The following LDHA variants were observed in gnomAD, a reference collection of about 807,000 sequenced individuals.
LDHA encodes the protein L-lactate dehydrogenase A chain.
A neutral mutation model predicts 36.3 loss-of-function variants in LDHA; 10 were observed. The ratio of observed to expected loss-of-function variants is 0.28; its 90% CI spans 0.17 to 0.47. The LOEUF (loss-of-function observed/expected upper bound fraction) is 0.47. Among genes scored for constraint, LDHA ranks in the 20% least tolerant of loss-of-function variants. The pLI is 0.99. For synonymous variants in LDHA, 110 were observed against 136.7 expected, an observed-to-expected ratio of 0.80 and a Z score of 1.36; for missense variants, 267 against 405.8, an observed-to-expected ratio of 0.66 and a Z score of 2.94.
Position 18,407,395 on chromosome 11 carries a change from T to G in LDHA, c.*114T>G, listed in dbSNP as rs201359330. On this transcript the variant is annotated 3_prime_UTR_variant, in exon 8 of 8. Transcript: ENST00000422447. ...TGATTAAAGCAGTAATATTTTAAGA[T>G]GGACTGGGAAAAACATCAACTCCTG... is the stretch of plus-strand genomic sequence containing the variant. 1.3e-6 allele frequency: 2 copies of G among 1,583,066 alleles called. No individual in the cohort carries two copies. Among genetic ancestry groups the G allele is most frequent in the African/African-American group, 2.7e-5 (2 of 73,858 alleles).
intron 4 of LDHA, 42 bp from the exon 5 acceptor site, chr11:18,402,798 G>A (rs200976902): frequency 6.8e-7 from 1 of 1,465,888 alleles, no homozygotes; most frequent in Non-Finnish European, 9.6e-7. Flanking sequence ...TTGTGTGTAG[G>A]GAGAGGATAA....
Position 18,408,282 on chromosome 11 carries a change from C to A in LDHA, c.*1001C>A. On this transcript the variant is annotated 3_prime_UTR_variant, in exon 8 of 8. Transcript: ENST00000422447. ...GCCCAGGTGGGCTGATCACTGGAGG[C>A]CAGGAATTGGGGACCAGCCTGGCCA... 4.6e-6 allele frequency: 2 copies of A among 439,530 alleles called. No individual in the cohort carries two copies. The highest frequency in any genetic ancestry group is 5.1e-5 in the Admixed American group (2 of 39,234). 27.2% of individuals were successfully genotyped at this position (439,530 alleles called of 1,614,324 possible).
intron 2 of LDHA, among the ~76,000 whole-genome samples, chr11:18,398,390 C>G (rs1052462645): frequency 5.2e-5 from 5 of 96,588 alleles, no homozygotes; most frequent in African/African-American, 1.8e-4. Flanking sequence ...GACTTTTTAA[C>G]TTTTTAAGTT....
intron 3 of LDHA, chr11:18,400,091 A>G (rs1262608517): frequency 1.1e-5 from 2 of 184,416 alleles, no homozygotes; most frequent in East Asian, 1.3e-4. Flanking sequence ...TGTAATGAGT[A>G]AAGCTTAAAC....
At chr11:18,400,633 TC>T in intron 3 of LDHA, 1 of 655,296 alleles carries the variant, frequency 1.5e-6, no homozygotes. Flanking sequence ...CCTCCAGCTC[TC>T]CCTAATTGTA....
At chr11:18,400,206 C>G (rs1239189238) in intron 3 of LDHA, 1 of 187,446 alleles carries the variant, frequency 5.3e-6, no homozygotes, top group East Asian at 1.4e-4. Context: ...AGCTAATACT[C>G]TTGGCTTGAC....
chr11:18,398,083 C>T (rs185600726), intron 2 of LDHA, among the ~76,000 whole-genome samples: 1 of 152,200 alleles, frequency 6.6e-6, no homozygotes, highest in East Asian at 1.9e-4. Flanking sequence ...TGGCCTCTGG[C>T]TCAGGTGTGG....
chr11:18,396,816 T>C lies in LDHA; in HGVS notation c.-24-3T>C, dbSNP rs1164419022. The C allele has an allele frequency of 3.1e-6, 5 of 1,602,552 alleles. No homozygotes were observed. The highest frequency in any genetic ancestry group is 3.4e-6 in the Non-Finnish European group (4 of 1,174,300). On this transcript the variant is annotated splice_polypyrimidine_tract_variant and splice_region_variant and intron_variant, in intron 1 of 7. Transcript: ENST00000422447. ...GTGACACTAAATGTTTTTCCTCCTA[T>C]AGATTCCTTTTGGTTCCAAGTCCAA...
rs144943684 is a variant in LDHA, at chr11:18,399,646, A to G, written c.244+98A>G. ...GCTTAGGGTAGAGTGCAGTTGCACA[A>G]TTATGGCTCACCACAGCCTCGAACC... On this transcript the variant is annotated intron_variant, in intron 3 of 7. Transcript: ENST00000422447. The G allele has an allele frequency of 1.2e-4, 105 of 889,058 alleles. No individual in the cohort carries two copies. The East Asian group carries it at 2.4e-3, about 21-fold the overall frequency. The allele number at this position is 889,058 out of a possible 1,614,324, so 55.1% of individuals were successfully genotyped here. A position where few individuals can be genotyped will look rare whatever the true frequency, so the allele number is the denominator to read the frequency against.
Position 18,403,835 on chromosome 11 carries a change from A to G in LDHA, c.710+24A>G, listed in dbSNP as rs772882630. 1.1e-5 allele frequency: 13 copies of G among 1,221,476 alleles called. No individual in the cohort carries two copies. The African/African-American group carries it at 1.9e-4, about 18-fold the overall frequency. The allele number at this position is 1,221,476 out of a possible 1,614,324, so 75.7% of individuals were successfully genotyped here. On this transcript the variant is annotated intron_variant, in intron 6 of 7. Coordinates refer to ENST00000422447, the MANE Select transcript of LDHA (RefSeq NM_005566.4). ...AGGTAATAAATCTTTCAATTTGGCA[A>G]CACAGAATATTAACATTTACTATTT... is the stretch of plus-strand genomic sequence containing the variant.
At chr11:18,395,801 T>A (rs1405380626) in intron 1 of LDHA, among the ~76,000 whole-genome samples, 2 of 152,238 alleles carry the variant, frequency 1.3e-5, no homozygotes, top group South Asian at 2.1e-4. Flanking sequence ...ACTCTAGGGC[T>A]GCAGGCCTCA....
intron 2 of LDHA, among the ~76,000 whole-genome samples, chr11:18,397,875 T>C (rs1250478511): frequency 6.6e-6 from 1 of 152,168 alleles, no homozygotes; most frequent in Non-Finnish European, 1.5e-5. Context: ...TTCTGGGTTC[T>C]AAATAGAAAT....
intron 2 of LDHA, 113 bp from the exon 3 acceptor site, chr11:18,399,318 T>G: frequency 1.3e-6 from 1 of 779,642 alleles, no homozygotes; most frequent in Non-Finnish European, 2.3e-6. Flanking sequence ...CTCGATACTG[T>G]ACTAATAAAG....
At position 18,398,629 on chromosome 11, in the gene LDHA, T is replaced by TTTTTTTTTTTTTTTTTTTTTC. The variant is rs1554960741; in HGVS notation, c.127-802_127-801insTTTTTTTTTTTTTTTTTTTTC. ...TTTTTTTTTTTTTTTTTTTTTTTTT[T>TTTTTTTTTTTTTTTTTTTTTC]CTGAGAAGGAGTCTCGCCGTGTCGC... is the stretch of plus-strand genomic sequence containing the variant. On this transcript the variant is annotated intron_variant, in intron 2 of 7. Transcript: ENST00000422447. The TTTTTTTTTTTTTTTTTTTTTC allele has an allele frequency of 2.3e-5, 2 of 87,612 alleles. 1 individual carries two copies. Among genetic ancestry groups the TTTTTTTTTTTTTTTTTTTTTC allele is most frequent in the African/African-American group, 8.2e-5 (2 of 24,464 alleles). The allele number at this position is 87,612 out of a possible 1,614,324, so 5.4% of individuals were successfully genotyped here.
chr11:18,402,815 A>G (rs200081533), intron 4 of LDHA, 25 bp from the exon 5 acceptor site: 14 of 1,591,518 alleles, frequency 8.8e-6, no homozygotes, highest in Non-Finnish European at 1.0e-5. Context: ...ATAATGGGTG[A>G]TTTTTATTTT....
intron 3 of LDHA, chr11:18,400,211 C>T: frequency 5.3e-6 from 1 of 190,122 alleles, no homozygotes; most frequent in South Asian, 1.0e-4. Context: ...ATACTCTTGG[C>T]TTGACCCTTT....
At chr11:18,406,135 T>A (rs1866674247) in intron 7 of LDHA, among the ~76,000 whole-genome samples, 1 of 152,094 alleles carries the variant, frequency 6.6e-6, no homozygotes, top group Non-Finnish European at 1.5e-5. Flanking sequence ...CCGGCTACTT[T>A]TTGTATTTTT....
chr11:18,404,807 CA>C (rs10684351), intron 6 of LDHA, among the ~76,000 whole-genome samples: 5 of 125,576 alleles, frequency 4.0e-5, no homozygotes, highest in Admixed American at 8.8e-5. Context: ...GACTCCGTCT[CA>C]AAAAAAAAAG....
At chr11:18,404,187 T>A (rs1466701224) in intron 6 of LDHA, among the ~76,000 whole-genome samples, 1 of 151,708 alleles carries the variant, frequency 6.6e-6, no homozygotes, top group Non-Finnish European at 1.5e-5. Flanking sequence ...GGCCCTAGGA[T>A]CACTTGAGCT....
Sources: allele counts gnomAD v4.1 joint callset (sites outside exome capture counted in the v4.1 genomes callset), GRCh38; gene constraint gnomAD v4.1.1; transcripts MANE v1.5; gene names NCBI Gene and HGNC (gene_info 2026-07-23, HGNC 2026-07-21).